Variants in DNAJB11 observed in about 807,000 individuals in gnomAD.
DNAJB11 encodes dnaJ homolog subfamily B member 11.
In DNAJB11, 30 loss-of-function variants were observed where a neutral mutation model predicts 47.2. The observed-to-expected ratio is 0.64, with a 90% CI of 0.48 to 0.86. DNAJB11 has a LOEUF of 0.86. DNAJB11 is among the 40% of genes least tolerant of loss of function. The probability of loss-of-function intolerance (pLI) is 0.00; values close to 1 mark genes in which losing one functional copy is unlikely to be tolerated. For synonymous variants in DNAJB11, 151 were observed against 159.9 expected (o/e 0.94, Z 0.42); for missense variants, 357 against 440.2 (o/e 0.81, Z 1.69).
intron 2 of DNAJB11, among the ~76,000 whole-genome samples, chr3:186,574,637 A>T (rs1359142090): frequency 6.6e-6 from 1 of 152,170 alleles, no homozygotes; most frequent in Non-Finnish European, 1.5e-5. Context: ...CTTTGCTTTT[A>T]AGAATGTTCA....
In DNAJB11 at chr3:186,570,861, G is replaced by A. The variant is rs763255626; in HGVS notation, c.-37G>A. On this transcript the variant is annotated 5_prime_UTR_variant, in exon 1 of 10. Coordinates refer to ENST00000265028, the MANE Select transcript of DNAJB11 (RefSeq NM_016306.6). ...CCGACGCGGCGGCGGAGGAGGCTGT[G>A]AGGAGTGTGTGGAACAGGACCCGGG... 20 of 1,585,088 alleles carry A rather than the reference G, an allele frequency of 1.3e-5. No individual in the cohort carries two copies. In the East Asian group the frequency reaches 4.2e-4, roughly 33 times the overall value.
In DNAJB11 at chr3:186,570,870, G is replaced by T; in HGVS notation, c.-28G>T. The T allele has an allele frequency of 6.3e-7, 1 of 1,595,626 alleles. No homozygotes were observed. The highest frequency in any genetic ancestry group is 8.5e-7 in the Non-Finnish European group (1 of 1,170,898). On this transcript the variant is annotated 5_prime_UTR_variant, in exon 1 of 10. Coordinates refer to ENST00000265028, the MANE Select transcript of DNAJB11 (RefSeq NM_016306.6). ...CGGCGGAGGAGGCTGTGAGGAGTGT[G>T]TGGAACAGGACCCGGGACAGAGGAA...
At position 186,581,366 on chromosome 3, in the gene DNAJB11, C is replaced by T. The variant is rs1259995869; in HGVS notation, c.457-5C>T. ...AGAAGCTGATGTTGTTTATGCACTT[C>T]CTAGGTAGTTAGAAACAAACCTGTG... On this transcript the variant is annotated splice_region_variant and splice_polypyrimidine_tract_variant and intron_variant, in intron 4 of 9. Coordinates refer to ENST00000265028, the MANE Select transcript of DNAJB11 (RefSeq NM_016306.6). 1 of 1,613,474 alleles carries T rather than the reference C, an allele frequency of 6.2e-7. No individual in the cohort carries two copies. Among genetic ancestry groups the T allele is most frequent in the Admixed American group, 1.7e-5 (1 of 59,946 alleles).
chr3:186,575,181 A>C (rs921316577), intron 2 of DNAJB11, among the ~76,000 whole-genome samples: 1 of 150,558 alleles, frequency 6.6e-6, no homozygotes, highest in Non-Finnish European at 1.5e-5. Context: ...TCTGCATTTC[A>C]AACTCAGGAC....
intron 6 of DNAJB11, among the ~76,000 whole-genome samples, chr3:186,582,374 AT>A (rs1179208249): frequency 6.6e-6 from 1 of 152,206 alleles, no homozygotes; most frequent in East Asian, 1.9e-4. Context: ...ATGAAAGAAG[AT>A]ATGTAACTCT....
chr3:186,583,509 C>CA (rs1715556517), intron 7 of DNAJB11, among the ~76,000 whole-genome samples: 2 of 152,190 alleles, frequency 1.3e-5, no homozygotes, highest in Admixed American at 1.3e-4. Context: ...CCCTTCCCTC[C>CA]ACCCATTTTA....
chr3:186,570,750 G>A lies in DNAJB11; in HGVS notation c.-148G>A. The stretch of plus-strand genomic sequence containing the variant: ...CGGGAAGTGGACCGGCAGAAGAGGG[G>A]GCTAGCTAGCTGTCTCTGCGGACCA... On this transcript the variant is annotated 5_prime_UTR_variant, in exon 1 of 10. Transcript: ENST00000265028. The A allele has an allele frequency of 1.4e-6, 1 of 701,716 alleles. No homozygotes were observed. The highest frequency in any genetic ancestry group is 2.4e-6 in the Non-Finnish European group (1 of 411,044). The allele number at this position is 701,716 out of a possible 1,614,324, so 43.5% of individuals were successfully genotyped here.
rs952717081 is a variant in DNAJB11 at position 186,574,052 on chromosome 3, G to A, written c.226-1788G>A. On this transcript the variant is annotated intron_variant, in intron 2 of 9. Transcript: ENST00000265028. ...ATTGCCTTTAGTCTTAGGTAAATTA[G>A]TGTTCACAAATTAGAATCCGAGTAC... is the stretch of plus-strand genomic sequence containing the variant. 3.9e-4 allele frequency among the ~76,000 whole-genome samples: 59 copies of A among 152,144 alleles called. 2 individuals carry two copies. The highest frequency in any genetic ancestry group is 1.5e-5 in the Non-Finnish European group (1 of 68,026).
At position 186,584,039 on chromosome 3, in the gene DNAJB11, T is replaced by C. The variant is rs1198322601; in HGVS notation, c.852+63T>C. The C allele has an allele frequency of 2.1e-5, 25 of 1,170,206 alleles. No individual in the cohort carries two copies. In the East Asian group the frequency reaches 4.0e-4, roughly 19 times the overall value. The allele number at this position is 1,170,206 out of a possible 1,614,324, so 72.5% of individuals were successfully genotyped here. Reference sequence around the variant, plus strand: ...AGCCTTTATGTGGGTAGTTTTGAGATGTATCAGCTGTTTCAGTCATTGAGA... The same window carrying C: ...AGCCTTTATGTGGGTAGTTTTGAGACGTATCAGCTGTTTCAGTCATTGAGA... On this transcript the variant is annotated intron_variant, in intron 8 of 9. Transcript: ENST00000265028.
rs1246591133 is a variant in DNAJB11 at position 186,574,474 on chromosome 3, GT to G, written c.226-1353del. Among the ~76,000 whole-genome samples the G allele has an allele frequency of 3.8e-3, 538 of 141,800 alleles. 2 individuals are homozygous for G. Among genetic ancestry groups the G allele is most frequent in the South Asian group, 0.017 (75 of 4,408 alleles). The allele number at this position is 141,800 out of a possible 152,430, so 93.0% of individuals were successfully genotyped here. ...ATTGGAGATCCAGTTAATAATAAGG[GT>G]TTTTTTTTTTTTCAAGTTAATTGTG... On this transcript the variant is annotated intron_variant, in intron 2 of 9. Coordinates refer to ENST00000265028, the MANE Select transcript of DNAJB11 (RefSeq NM_016306.6).
At chr3:186,584,058 A>AT in intron 8 of DNAJB11, 82 bp downstream of exon 8, 1 of 982,802 alleles carries the variant, frequency 1.0e-6, no homozygotes, top group East Asian at 2.4e-5. Context: ...TGTTTCAGTC[A>AT]TTGAGAACCA....
chr3:186,575,362 C>CGT (rs752672011), intron 2 of DNAJB11, among the ~76,000 whole-genome samples: 12,215 of 109,480 alleles, frequency 0.11, 558 homozygotes, highest in African/African-American at 0.16. Flanking sequence ...CATGCGCGCG[C>CGT]GCGCGCGTGT....
At chr3:186,572,070 A>G (rs200721132) in intron 1 of DNAJB11, 25 bp from the exon 2 acceptor site, 2 of 1,536,020 alleles carry the variant, frequency 1.3e-6, no homozygotes, top group Non-Finnish European at 1.7e-6. Context: ...TCTTTAATGA[A>G]GTATTCTCTC....
intron 1 of DNAJB11, among the ~76,000 whole-genome samples, chr3:186,571,846 A>G (rs1715070358): frequency 6.6e-6 from 1 of 152,228 alleles, no homozygotes; most frequent in African/African-American, 2.4e-5. Context: ...AAAGTGCCAC[A>G]GATGTTTTGA....
At chr3:186,585,009 G>T (rs989036469) in intron 9 of DNAJB11, among the ~76,000 whole-genome samples, 7 of 152,008 alleles carry the variant, frequency 4.6e-5, no homozygotes, top group African/African-American at 1.7e-4. Context: ...CAATGAAGGA[G>T]GTAAAAACTG....
intron 4 of DNAJB11, chr3:186,579,412 T>C (rs993528399): frequency 9.9e-5 from 15 of 152,266 alleles, no homozygotes; most frequent in Non-Finnish European, 1.9e-4. Flanking sequence ...CATATTTTTA[T>C]GCATAATATT....
intron 4 of DNAJB11, 152 bp downstream of exon 4, chr3:186,577,952 A>G (rs770158475): frequency 1.8e-5 from 10 of 546,910 alleles, no homozygotes; most frequent in Non-Finnish European, 2.7e-5. Context: ...TGCTTGGTTC[A>G]TGATACACTG....
chr3:186,583,152 T>G (rs1264613118), intron 7 of DNAJB11, among the ~76,000 whole-genome samples: 1 of 152,238 alleles, frequency 6.6e-6, no homozygotes, highest in African/African-American at 2.4e-5. Flanking sequence ...AGAGAGCTTT[T>G]CTTTTGTGAG....
At chr3:186,581,543 A>G in intron 5 of DNAJB11, 30 bp downstream of exon 5, 2 of 1,604,406 alleles carry the variant, frequency 1.2e-6, no homozygotes, top group Non-Finnish European at 1.7e-6. Context: ...TTGTTCTACC[A>G]AGAAACACTT....
Sources: allele counts gnomAD v4.1 joint callset (sites outside exome capture counted in the v4.1 genomes callset), GRCh38; gene constraint gnomAD v4.1.1; transcripts MANE v1.5; gene names NCBI Gene and HGNC (gene_info 2026-07-23, HGNC 2026-07-21).